PITPNB: variants seen among roughly 807,000 people sequenced by gnomAD.
PITPNB encodes the protein phosphatidylinositol transfer protein beta.
In PITPNB, 16 loss-of-function variants were observed where a neutral mutation model predicts 45.9. The observed-to-expected ratio is 0.35, with a 90% confidence interval of 0.24 to 0.53. The LOEUF (loss-of-function observed/expected upper bound fraction) is 0.53. Among genes scored for constraint, PITPNB ranks in the 20% least tolerant of loss-of-function variants. PITPNB has a pLI of 0.93. For synonymous variants in PITPNB, 112 were observed against 108.9 expected (o/e 1.03, Z -0.18); for missense variants, 188 against 330.5 (o/e 0.57, Z 3.34).
chr22:27,860,030 CATA>C, intron 9 of PITPNB, 98 bp downstream of exon 9: 2 of 677,734 alleles, frequency 3.0e-6, no homozygotes, highest in African/African-American at 1.8e-5. Context: ...ATTTTCATAT[CATA>C]AAGGAGGAAA....
Position 27,854,969 on chromosome 22 carries a change from G to A in PITPNB, c.769-30C>T, listed in dbSNP as rs1483946457. 5.1e-5 allele frequency: 76 copies of A among 1,499,534 alleles called. 1 individual carries two copies. The highest frequency in any genetic ancestry group is 6.8e-5 in the Non-Finnish European group (73 of 1,075,874). 92.9% of individuals were successfully genotyped at this position (1,499,534 alleles called of 1,614,324 possible). ...ACGTAAAATAAAATTGTGAGCTGCT[G>A]AAATCAGACTCTAAATAGGGGTTAG... On this transcript the variant is annotated intron_variant, in intron 10 of 11. Coordinates refer to ENST00000335272, the MANE Select transcript of PITPNB (RefSeq NM_012399.5).
chr22:27,858,282 A>G, intron 10 of PITPNB, 105 bp downstream of exon 10: 1 of 901,624 alleles, frequency 1.1e-6, no homozygotes, highest in East Asian at 2.6e-5. Context: ...ATAGGGAATG[A>G]TTTTTAACAA....
At chr22:27,889,863 G>A (rs1935224527) in intron 7 of PITPNB, among the ~76,000 whole-genome samples, 1 of 152,206 alleles carries the variant, frequency 6.6e-6, no homozygotes, top group Non-Finnish European at 1.5e-5. Flanking sequence ...CTACACTGTA[G>A]ACTAGAATAT....
At chr22:27,894,499 A>T in intron 7 of PITPNB, 56 bp downstream of exon 7, 2 of 953,454 alleles carry the variant, frequency 2.1e-6, no homozygotes, top group Non-Finnish European at 3.4e-6. Flanking sequence ...GTGATAGTAG[A>T]AAATAATTTT....
At chr22:27,881,306 C>T (rs1014120045) in intron 7 of PITPNB, among the ~76,000 whole-genome samples, 1 of 152,166 alleles carries the variant, frequency 6.6e-6, no homozygotes, top group Admixed American at 6.5e-5. Flanking sequence ...ATTTGAGGTG[C>T]TTTCTCCCTA....
chr22:27,860,139 T>C lies in PITPNB; in HGVS notation c.637A>G (p.Ile213Val). 3 of 1,601,892 alleles carry C rather than the reference T, an allele frequency of 1.9e-6. No individual in the cohort carries two copies. Among genetic ancestry groups the C allele is most frequent in the Non-Finnish European group, 2.6e-6 (3 of 1,168,878 alleles). Residue 213 changes from isoleucine (I) to valine (V), a missense_variant, in exon 9 of 12, where the codon ATT becomes GTT. Transcript: ENST00000335272. ...TTTTGAGCAGATTTTACCTTTTGAA[T>C]GAAGTTTTCTACTTTGCTTTGCAGT... is the stretch of plus-strand genomic sequence containing the variant. ...WGLQSKVENFIQKQEKRIFTN... is the reference protein window; with the variant it reads ...WGLQSKVENFVQKQEKRIFTN...
chr22:27,881,748 T>A (rs1274447425), intron 7 of PITPNB, among the ~76,000 whole-genome samples: 2 of 151,620 alleles, frequency 1.3e-5, no homozygotes, highest in Non-Finnish European at 2.9e-5. Flanking sequence ...TTGAAAGCTG[T>A]GAGAGAGAAC....
rs1934044462 is a variant in PITPNB, at chr22:27,852,391, T to C, written c.*1311A>G. ...GCTGATAAAAATCTTACCTAGCTAT[T>C]GTTCCTTCCTTTAAATAAAAAATAA... On this transcript the variant is annotated 3_prime_UTR_variant, in exon 12 of 12. Transcript: ENST00000335272. The C allele has an allele frequency of 6.6e-6, 1 of 152,194 alleles. No individual in the cohort carries two copies. The highest frequency in any genetic ancestry group is 1.5e-5 in the Non-Finnish European group (1 of 68,032). The allele number at this position is 152,194 out of a possible 1,614,324, so 9.4% of individuals were successfully genotyped here.
chr22:27,872,850 T>G (rs1601390297), intron 8 of PITPNB, among the ~76,000 whole-genome samples: 1 of 152,364 alleles, frequency 6.6e-6, no homozygotes, highest in South Asian at 2.1e-4. Context: ...TAAGACTTCT[T>G]TAAGGATCTG....
At chr22:27,877,583 C>A (rs1934854946) in intron 7 of PITPNB, among the ~76,000 whole-genome samples, 1 of 152,194 alleles carries the variant, frequency 6.6e-6, no homozygotes, top group Non-Finnish European at 1.5e-5. Context: ...CAGATCTCAA[C>A]AGAAACTCTC....
intron 8 of PITPNB, among the ~76,000 whole-genome samples, chr22:27,868,883 A>G (rs922477438): frequency 6.6e-6 from 1 of 152,186 alleles, no homozygotes; most frequent in Non-Finnish European, 1.5e-5. Context: ...ATTATTAACT[A>G]TCATGTATTT....
intron 7 of PITPNB, among the ~76,000 whole-genome samples, chr22:27,878,603 T>C (rs1934883952): frequency 6.6e-6 from 1 of 152,208 alleles, no homozygotes; most frequent in Non-Finnish European, 1.5e-5. Flanking sequence ...TCCTACTACC[T>C]TGGAATACAT....
chr22:27,874,226 C>G (rs933090571), intron 7 of PITPNB, among the ~76,000 whole-genome samples: 1 of 152,194 alleles, frequency 6.6e-6, no homozygotes, highest in Non-Finnish European at 1.5e-5. Flanking sequence ...ACTGTTAATG[C>G]TGGCCAGAGC....
chr22:27,876,128 C>T (rs1433344947), intron 7 of PITPNB, among the ~76,000 whole-genome samples: 1 of 152,122 alleles, frequency 6.6e-6, no homozygotes, highest in East Asian at 1.9e-4. Flanking sequence ...GCTCACCTAC[C>T]CCAGCACTTC....
At chr22:27,890,708 G>T (rs1338541740) in intron 7 of PITPNB, among the ~76,000 whole-genome samples, 1 of 152,182 alleles carries the variant, frequency 6.6e-6, no homozygotes, top group Non-Finnish European at 1.5e-5. Context: ...CAGCTACTCG[G>T]GAGGCTGAGG....
intron 3 of PITPNB, chr22:27,910,671 G>T (rs928487055): frequency 1.6e-5 from 4 of 252,928 alleles, no homozygotes; most frequent in African/African-American, 4.4e-5. Flanking sequence ...AATATATACA[G>T]AAAATGATCT....
chr22:27,907,303 T>C (rs560987726), intron 3 of PITPNB, among the ~76,000 whole-genome samples: 120 of 152,304 alleles, frequency 7.9e-4, no homozygotes, highest in Middle Eastern at 3.4e-3. Context: ...AGGTCTTTCC[T>C]GCAGAACAGT....
At chr22:27,898,371 T>A (rs1189998497) in intron 3 of PITPNB, among the ~76,000 whole-genome samples, 1 of 150,718 alleles carries the variant, frequency 6.6e-6, no homozygotes, top group African/African-American at 2.4e-5. Flanking sequence ...CAAGACCTTG[T>A]CTCACAAGGA....
At chr22:27,907,576 T>C (rs1476961046) in intron 3 of PITPNB, among the ~76,000 whole-genome samples, 1 of 152,168 alleles carries the variant, frequency 6.6e-6, no homozygotes, top group Non-Finnish European at 1.5e-5. Context: ...TGCCACCCTC[T>C]TGCCTTTTTC....
Sources: allele counts gnomAD v4.1 joint callset (sites outside exome capture counted in the v4.1 genomes callset), GRCh38; gene constraint gnomAD v4.1.1; transcripts MANE v1.5; gene names NCBI Gene and HGNC (gene_info 2026-07-23, HGNC 2026-07-21).